Variants in SRSF9 observed in about 807,000 individuals in gnomAD.
SRSF9 encodes the protein serine and arginine rich splicing factor 9.
A neutral mutation model predicts 25.9 loss-of-function variants in SRSF9; 3 were observed. That is an observed-to-expected ratio of 0.12 (90% CI 0.05 to 0.30). The LOEUF is 0.30. Among genes scored for constraint, SRSF9 ranks in the 10% least tolerant of loss-of-function variants. The pLI, the probability that SRSF9 is intolerant of heterozygous loss-of-function variation, is 1.00. For missense variants in SRSF9, 161 were observed against 303.5 expected, an observed-to-expected ratio of 0.53 and a Z score of 3.49; for synonymous variants, 114 against 113.2, an observed-to-expected ratio of 1.01 and a Z score of -0.05.
rs75905531 is a variant in SRSF9 at position 120,465,807 on chromosome 12, C to A, written c.189-20G>T. On this transcript the variant is annotated intron_variant, in intron 1 of 3. Coordinates refer to ENST00000229390, the MANE Select transcript of SRSF9 (RefSeq NM_003769.3). ...GCATCTCTAAAAAAAACAACAACAA[C>A]AAAAAAAACGTTTGGAGTTAGTGCT... 0.1 allele frequency: 159,394 copies of A among 1,554,892 alleles called. 9,228 individuals are homozygous for A. Among genetic ancestry groups the A allele is most frequent in the East Asian group, 0.38 (15,669 of 41,736 alleles).
chr12:120,468,656 G>C (rs1160620180), intron 1 of SRSF9, among the ~76,000 whole-genome samples: 1 of 152,180 alleles, frequency 6.6e-6, no homozygotes, highest in Non-Finnish European at 1.5e-5. Flanking sequence ...CCAGGTCAGC[G>C]CCGCAGCTGC....
chr12:120,463,926 C>T (rs1235309623), intron 3 of SRSF9, 24 bp downstream of exon 3: 4 of 1,584,190 alleles, frequency 2.5e-6, no homozygotes, highest in Non-Finnish European at 3.4e-6. Flanking sequence ...AGTACAAGCT[C>T]CTCAACAGAA....
At chr12:120,468,318 G>A (rs1878535698) in intron 1 of SRSF9, among the ~76,000 whole-genome samples, 1 of 152,060 alleles carries the variant, frequency 6.6e-6, no homozygotes, top group African/African-American at 2.4e-5. Flanking sequence ...TACACACCAT[G>A]GCACTTGACC....
In SRSF9 at chr12:120,466,985, G is replaced by A. The variant is rs558731792; in HGVS notation, c.189-1198C>T. Among the ~76,000 whole-genome samples the A allele has an allele frequency of 5.9e-4, 90 of 152,286 alleles. No homozygotes were observed. In the Middle Eastern group the frequency reaches 0.01, roughly 17 times the overall value. On this transcript the variant is annotated intron_variant, in intron 1 of 3. Transcript: ENST00000229390. ...ACTCTAGGAGAGTCAGGAATGCCAC[G>A]TTGATTCTCCAGTATTGGATGGTAG... is the stretch of plus-strand genomic sequence containing the variant.
chr12:120,466,986 T>G, intron 1 of SRSF9, among the ~76,000 whole-genome samples: 1 of 152,220 alleles, frequency 6.6e-6, no homozygotes, highest in East Asian at 1.9e-4. Context: ...GAATGCCACG[T>G]TGATTCTCCA....
intron 1 of SRSF9, among the ~76,000 whole-genome samples, chr12:120,466,792 C>T (rs949825766): frequency 6.6e-6 from 1 of 152,200 alleles, no homozygotes; most frequent in Non-Finnish European, 1.5e-5. Flanking sequence ...CCCTCAGTCT[C>T]CCAAAGTGCT....
chr12:120,463,946 C>T lies in SRSF9; in HGVS notation c.522+4G>A. 2 of 1,602,798 alleles carry T rather than the reference C, an allele frequency of 1.2e-6. No homozygotes were observed. Among genetic ancestry groups the T allele is most frequent in the South Asian group, 2.2e-5 (2 of 88,900 alleles). On this transcript the variant is annotated splice_donor_region_variant and intron_variant, in intron 3 of 3. Transcript: ENST00000229390. ...AAGCTCCTCAACAGAAGGCAAGGACCCACCTCATGAGAGCGGAATTTGGTG... is the reference window on the plus strand; with the variant it reads ...AAGCTCCTCAACAGAAGGCAAGGACTCACCTCATGAGAGCGGAATTTGGTG...
At chr12:120,466,529 G>A (rs1019914352) in intron 1 of SRSF9, among the ~76,000 whole-genome samples, 1 of 152,024 alleles carries the variant, frequency 6.6e-6, no homozygotes, top group Middle Eastern at 3.2e-3. Context: ...AGTGTTTTGT[G>A]ATGAATGTGG....
intron 1 of SRSF9, among the ~76,000 whole-genome samples, chr12:120,467,718 A>G (rs772810473): frequency 6.6e-6 from 1 of 151,842 alleles, no homozygotes; most frequent in East Asian, 2.0e-4. Context: ...TAGTTTTTCT[A>G]TTATGAAAGG....
At chr12:120,469,399 G>A (rs372524955) in intron 1 of SRSF9, 23 bp downstream of exon 1, 753 of 1,560,486 alleles carry the variant, frequency 4.8e-4, no homozygotes, top group Admixed American at 9.6e-4. Flanking sequence ...GAGGAGGAGA[G>A]GGCAGGGGCG....
chr12:120,463,748 A>C (rs1490870735), intron 3 of SRSF9: 1 of 544,884 alleles, frequency 1.8e-6, no homozygotes, highest in Non-Finnish European at 3.2e-6. Context: ...TTAAAAAACA[A>C]ACGTACCATG....
chr12:120,469,332 G>A, intron 1 of SRSF9, 90 bp downstream of exon 1: 1 of 888,270 alleles, frequency 1.1e-6, no homozygotes, highest in South Asian at 1.9e-5. Context: ...AGGGGAGGCC[G>A]GGGGGAGGGG....
At chr12:120,469,383 G>C in intron 1 of SRSF9, 39 bp downstream of exon 1, 4 of 1,523,742 alleles carry the variant, frequency 2.6e-6, no homozygotes, top group Non-Finnish European at 3.5e-6. Flanking sequence ...GGGGGCCTCA[G>C]GCACCGAGGA....
At position 120,469,697 on chromosome 12, in the gene SRSF9, C is replaced by T. The variant is rs868301955; in HGVS notation, c.-88G>A. ...TCCCCCCGCAGCGTCCCCGCGGGCT[C>T]CGAGGCGCTCAGCCGCACTGCATTG... On this transcript the variant is annotated 5_prime_UTR_variant, in exon 1 of 4. Coordinates refer to ENST00000229390, the MANE Select transcript of SRSF9 (RefSeq NM_003769.3). The T allele has an allele frequency of 7.3e-5, 63 of 860,016 alleles. No individual in the cohort carries two copies. The African/African-American group carries it at 7.7e-4, about 11-fold the overall frequency. 53.3% of individuals were successfully genotyped at this position (860,016 alleles called of 1,614,324 possible). A position where few individuals can be genotyped will look rare whatever the true frequency, so the allele number is the denominator to read the frequency against.
chr12:120,468,973 G>A (rs910873974), intron 1 of SRSF9, among the ~76,000 whole-genome samples: 1 of 152,112 alleles, frequency 6.6e-6, no homozygotes, highest in African/African-American at 2.4e-5. Flanking sequence ...ACGACCTCCA[G>A]CGGCATCCGC....
At chr12:120,463,785 C>A in intron 3 of SRSF9, 165 bp downstream of exon 3, 1 of 713,814 alleles carries the variant, frequency 1.4e-6, no homozygotes. Flanking sequence ...AGCTATGACC[C>A]TGAAGGACTT....
chr12:120,468,584 C>T lies in SRSF9; in HGVS notation c.188+838G>A, dbSNP rs532648210. On this transcript the variant is annotated intron_variant, in intron 1 of 3. Transcript: ENST00000229390. ...GACACCCTACGAACATTCCGCGTTCCCCGGGAGCAAATGATGCTAGGAAAA... is the reference window on the plus strand; with the variant it reads ...GACACCCTACGAACATTCCGCGTTCTCCGGGAGCAAATGATGCTAGGAAAA... Among the ~76,000 whole-genome samples the T allele has an allele frequency of 4.3e-3, 654 of 152,314 alleles. 3 individuals carry two copies. The highest frequency in any genetic ancestry group is 0.015 in the African/African-American group (620 of 41,562).
intron 1 of SRSF9, among the ~76,000 whole-genome samples, chr12:120,467,839 A>G (rs1878515092): frequency 6.7e-6 from 1 of 148,740 alleles, no homozygotes; most frequent in Non-Finnish European, 1.5e-5. Flanking sequence ...TCAGGCCTGT[A>G]ACCTCAGCAT....
In SRSF9 at chr12:120,463,962, G is replaced by A. The variant is rs145299974; in HGVS notation, c.510C>T (p.Phe170=). Residue 170 remains phenylalanine (F), a synonymous_variant, in exon 3 of 4, where the codon TTC becomes TTT. Coordinates refer to ENST00000229390, the MANE Select transcript of SRSF9 (RefSeq NM_003769.3). ...YALRKLDDTK[F]RSHEGETSYI... ...GGCAAGGACCCACCTCATGAGAGCG[G>A]AATTTGGTGTCATCCAGTTTACGCA... 0.012 allele frequency: 20,131 copies of A among 1,610,900 alleles called. 164 individuals carry two copies. Among genetic ancestry groups the A allele is most frequent in the Non-Finnish European group, 0.015 (17,271 of 1,178,288 alleles).
Sources: allele counts gnomAD v4.1 joint callset (sites outside exome capture counted in the v4.1 genomes callset), GRCh38; gene constraint gnomAD v4.1.1; transcripts MANE v1.5; gene names NCBI Gene and HGNC (gene_info 2026-07-23, HGNC 2026-07-21).